The following RIT2 variants were observed in gnomAD, a reference collection of about 807,000 sequenced individuals.
The protein encoded by RIT2 is GTP-binding protein Rit2.
A neutral mutation model predicts 23.7 loss-of-function variants in RIT2; 24 were observed. The ratio of observed to expected loss-of-function variants is 1.01; its 90% confidence interval spans 0.73 to 1.43. The LOEUF is 1.43. Ranked by LOEUF, RIT2 falls within the 40% of genes most tolerant of loss-of-function variation. The probability of loss-of-function intolerance (pLI) is 0.00; values close to 1 mark genes in which losing one functional copy is unlikely to be tolerated. For synonymous variants in RIT2, 107 were observed against 91.1 expected, an observed-to-expected ratio of 1.17 and a Z score of -0.99; for missense variants, 236 against 266.9, an observed-to-expected ratio of 0.88 and a Z score of 0.81.
At chr18:42,754,025 G>A (rs1359411495) in intron 4 of RIT2, among the ~76,000 whole-genome samples, 4 of 152,160 alleles carry the variant, frequency 2.6e-5, no homozygotes, top group African/African-American at 9.7e-5. Context: ...ATCAGAGTGT[G>A]CTTATAGGGT....
chr18:42,796,638 G>A (rs563149822), intron 4 of RIT2, among the ~76,000 whole-genome samples: 1 of 152,242 alleles, frequency 6.6e-6, no homozygotes, highest in African/African-American at 2.4e-5. Context: ...CCTCCACTGC[G>A]CTTCTTGGCT....
chr18:43,022,853 A>G (rs1357252187), intron 2 of RIT2, among the ~76,000 whole-genome samples: 1 of 152,128 alleles, frequency 6.6e-6, no homozygotes, highest in Admixed American at 6.5e-5. Flanking sequence ...TGTAGAACTC[A>G]ACAGCGATAA....
intron 4 of RIT2, among the ~76,000 whole-genome samples, chr18:42,797,769 C>T (rs1448060180): frequency 8.5e-5 from 13 of 152,054 alleles, no homozygotes; most frequent in Admixed American, 8.5e-4. Flanking sequence ...GCATGGAAAA[C>T]AACATATAGG....
At chr18:43,077,513 T>C (rs192064110) in intron 1 of RIT2, among the ~76,000 whole-genome samples, 202 of 152,288 alleles carry the variant, frequency 1.3e-3, no homozygotes, top group Middle Eastern at 3.4e-3. Flanking sequence ...CCTTTGTAAC[T>C]TGAAATCTTA....
intron 3 of RIT2, among the ~76,000 whole-genome samples, chr18:42,958,491 C>T (rs890378917): frequency 6.6e-6 from 1 of 152,082 alleles, no homozygotes; most frequent in African/African-American, 2.4e-5. Flanking sequence ...ACACTTCATA[C>T]TAATGGGACA....
chr18:42,971,053 C>CA (rs1910351184), intron 3 of RIT2, among the ~76,000 whole-genome samples: 1 of 151,892 alleles, frequency 6.6e-6, no homozygotes, highest in African/African-American at 2.4e-5. Flanking sequence ...CTTTGTATAA[C>CA]ATTTTACTCA....
At chr18:43,072,885 T>A (rs11662934) in intron 1 of RIT2, among the ~76,000 whole-genome samples, 86,439 of 151,944 alleles carry the variant, frequency 0.57, 26,167 homozygotes, top group Non-Finnish European at 0.69. Context: ...ACTTACTAGG[T>A]GTGGGATGCT....
chr18:43,085,590 A>C (rs1913264573), intron 1 of RIT2, among the ~76,000 whole-genome samples: 1 of 152,068 alleles, frequency 6.6e-6, no homozygotes, highest in Non-Finnish European at 1.5e-5. Context: ...ATGAAGTTGT[A>C]GTATTTGTCT....
At position 42,967,104 on chromosome 18, in the gene RIT2, G is replaced by A. The variant is rs558563656; in HGVS notation, c.234+6970C>T. Among the ~76,000 whole-genome samples, 19 of 151,930 alleles carry A rather than the reference G, an allele frequency of 1.3e-4. No individual in the cohort carries two copies. The South Asian group carries it at 3.7e-3, about 30-fold the overall frequency. Reference sequence around the variant, plus strand: ...ACTCCTAATGTTTAGAATTAGGGAAGAAAAAACTTTTTGTGAAAAATATCA... The same window carrying A: ...ACTCCTAATGTTTAGAATTAGGGAAAAAAAAACTTTTTGTGAAAAATATCA... On this transcript the variant is annotated intron_variant, in intron 3 of 4. Coordinates refer to ENST00000326695, the MANE Select transcript of RIT2 (RefSeq NM_002930.4).
chr18:42,887,093 T>C (rs571082778), intron 4 of RIT2, among the ~76,000 whole-genome samples: 56 of 152,284 alleles, frequency 3.7e-4, no homozygotes, highest in African/African-American at 1.3e-3. Context: ...ATTTAATTCA[T>C]TTTGAAATGT....
chr18:42,956,866 G>C (rs1041358228), intron 3 of RIT2, among the ~76,000 whole-genome samples: 4 of 152,124 alleles, frequency 2.6e-5, no homozygotes, highest in Non-Finnish European at 5.9e-5. Context: ...GTCCCGGAAG[G>C]CTGCTAAGAG....
intron 1 of RIT2, among the ~76,000 whole-genome samples, chr18:43,049,627 A>G (rs1912329613): frequency 6.6e-6 from 1 of 152,156 alleles, no homozygotes; most frequent in Non-Finnish European, 1.5e-5. Flanking sequence ...GAGGGAATGC[A>G]CTCTAACCTT....
chr18:42,828,773 G>T (rs1051800242), intron 4 of RIT2, among the ~76,000 whole-genome samples: 1 of 152,156 alleles, frequency 6.6e-6, no homozygotes, highest in African/African-American at 2.4e-5. Context: ...GTAAACAGGC[G>T]ACTGAAAAGG....
At chr18:43,003,750 T>TC (rs1162283656) in intron 2 of RIT2, among the ~76,000 whole-genome samples, 1 of 138,332 alleles carries the variant, frequency 7.2e-6, no homozygotes, top group Admixed American at 8.0e-5. Context: ...ACTTTTTTTT[T>TC]CCTCCTCAGT....
intron 4 of RIT2, among the ~76,000 whole-genome samples, chr18:42,782,957 A>G (rs1409450731): frequency 6.6e-6 from 1 of 152,100 alleles, no homozygotes; most frequent in Non-Finnish European, 1.5e-5. Context: ...GAGGAAGGTG[A>G]GAAACAGGAC....
At chr18:42,774,009 A>T (rs1173433959) in intron 4 of RIT2, among the ~76,000 whole-genome samples, 1 of 152,238 alleles carries the variant, frequency 6.6e-6, no homozygotes, top group African/African-American at 2.4e-5. Flanking sequence ...CTAAACATGA[A>T]TGAGAGCAAT....
chr18:43,071,333 A>G (rs1598770901), intron 1 of RIT2, among the ~76,000 whole-genome samples: 1 of 152,320 alleles, frequency 6.6e-6, no homozygotes, highest in East Asian at 1.9e-4. Flanking sequence ...ATATCAAAAT[A>G]TATGGAACTA....
At chr18:42,918,714 T>C (rs1908977407) in intron 4 of RIT2, among the ~76,000 whole-genome samples, 1 of 152,162 alleles carries the variant, frequency 6.6e-6, no homozygotes, top group Non-Finnish European at 1.5e-5. Context: ...AAATTATGCT[T>C]AGGACGCTTG....
At chr18:42,871,394 G>A (rs1907618572) in intron 4 of RIT2, among the ~76,000 whole-genome samples, 1 of 151,848 alleles carries the variant, frequency 6.6e-6, no homozygotes, top group South Asian at 2.1e-4. Flanking sequence ...GTGTATACAT[G>A]CACACACACA....
Sources: gnomAD v4.1 joint callset for allele counts (sites outside exome capture counted in the v4.1 genomes callset) on GRCh38, gnomAD v4.1.1 for gene constraint, MANE v1.5 for transcripts, NCBI Gene and HGNC (gene_info 2026-07-23, HGNC 2026-07-21) for gene names.